Variants in SPOCK1 observed in about 807,000 individuals in gnomAD.
The protein encoded by SPOCK1 is testican-1.
SPOCK1 carries 23 observed loss-of-function variants against 55.3 expected under a neutral mutation model. That is an observed-to-expected ratio of 0.42 (90% CI 0.30 to 0.59). The LOEUF (loss-of-function observed/expected upper bound fraction) is 0.59. Ranked by LOEUF, SPOCK1 falls within the 20% of genes least tolerant of loss-of-function variation. The pLI, the probability that SPOCK1 is intolerant of heterozygous loss-of-function variation, is 0.22. For synonymous variants in SPOCK1, 226 were observed against 221.0 expected (o/e 1.02, Z -0.20); for missense variants, 499 against 552.5 (o/e 0.90, Z 0.97).
intron 2 of SPOCK1, among the ~76,000 whole-genome samples, chr5:137,433,708 G>A (rs1207531060): frequency 2.0e-5 from 3 of 152,164 alleles, no homozygotes; most frequent in Non-Finnish European, 2.9e-5. Context: ...CATGCTCCCA[G>A]ATGGAATCCA....
At chr5:137,423,575 T>C (rs1048367168) in intron 2 of SPOCK1, among the ~76,000 whole-genome samples, 2 of 152,208 alleles carry the variant, frequency 1.3e-5, no homozygotes, top group Non-Finnish European at 2.9e-5. Context: ...CAATGGACCC[T>C]CTGAGCCAGG....
At chr5:137,026,634 C>T (rs1751681053) in intron 6 of SPOCK1, among the ~76,000 whole-genome samples, 1 of 152,190 alleles carries the variant, frequency 6.6e-6, no homozygotes, top group Non-Finnish European at 1.5e-5. Flanking sequence ...CACACACACC[C>T]TCTATTGGTT....
chr5:136,993,420 C>T (rs1479267157), intron 6 of SPOCK1, among the ~76,000 whole-genome samples: 1 of 152,100 alleles, frequency 6.6e-6, no homozygotes, highest in Admixed American at 6.5e-5. Context: ...TCCCTCTTCC[C>T]TCAGGGCATA....
intron 5 of SPOCK1, among the ~76,000 whole-genome samples, chr5:137,077,463 A>C (rs907153805): frequency 6.6e-6 from 1 of 152,204 alleles, no homozygotes; most frequent in Admixed American, 6.5e-5. Context: ...AGCCAAATAC[A>C]ACCCTTGCTT....
At chr5:137,369,486 G>T (rs949805047) in intron 2 of SPOCK1, among the ~76,000 whole-genome samples, 1 of 152,174 alleles carries the variant, frequency 6.6e-6, no homozygotes, top group African/African-American at 2.4e-5. Context: ...CCACACAGGG[G>T]TCGAGAAGTG....
intron 2 of SPOCK1, among the ~76,000 whole-genome samples, chr5:137,411,658 C>A (rs952292526): frequency 4.6e-5 from 7 of 152,212 alleles, no homozygotes; most frequent in Non-Finnish European, 1.0e-4. Context: ...TGTGCCACCT[C>A]CCCTCATGGG....
At chr5:137,382,080 C>T (rs539682844) in intron 2 of SPOCK1, among the ~76,000 whole-genome samples, 8 of 152,202 alleles carry the variant, frequency 5.3e-5, no homozygotes, top group Non-Finnish European at 1.2e-4. Flanking sequence ...ATTTCCTCTT[C>T]CAGATACTCT....
At chr5:137,480,766 G>T (rs1753934166) in intron 2 of SPOCK1, among the ~76,000 whole-genome samples, 1 of 152,140 alleles carries the variant, frequency 6.6e-6, no homozygotes. Flanking sequence ...CACCTAAGAA[G>T]CCAGGGGAAA....
chr5:137,037,456 C>T (rs577053385), intron 6 of SPOCK1, among the ~76,000 whole-genome samples: 9 of 151,756 alleles, frequency 5.9e-5, no homozygotes, highest in African/African-American at 1.9e-4. Flanking sequence ...CCCAAATTTC[C>T]AGAACACTTG....
chr5:137,041,673 T>A (rs1003573754), intron 6 of SPOCK1, among the ~76,000 whole-genome samples: 2 of 152,200 alleles, frequency 1.3e-5, no homozygotes, highest in Non-Finnish European at 2.9e-5. Context: ...CACTTTGCCA[T>A]ATGTGATAGA....
At chr5:137,012,899 C>T (rs1020147117) in intron 6 of SPOCK1, among the ~76,000 whole-genome samples, 6 of 151,910 alleles carry the variant, frequency 3.9e-5, no homozygotes, top group African/African-American at 7.3e-5. Context: ...TGGAAAACTG[C>T]GAAGGCATTA....
chr5:137,290,243 C>T (rs1757348071), intron 2 of SPOCK1, among the ~76,000 whole-genome samples: 1 of 152,150 alleles, frequency 6.6e-6, no homozygotes, highest in African/African-American at 2.4e-5. Context: ...GTGTTATGTT[C>T]ACACAACTGA....
intron 2 of SPOCK1, among the ~76,000 whole-genome samples, chr5:137,379,571 C>T (rs78120442): frequency 0.099 from 12,397 of 125,348 alleles, 1,182 homozygotes; most frequent in African/African-American, 0.27. Context: ...CCTGCAAATG[C>T]TCCTGAGCAA....
intron 2 of SPOCK1, chr5:137,273,276 T>C (rs1387286734): frequency 1.5e-6 from 1 of 678,762 alleles, no homozygotes; most frequent in Non-Finnish European, 1.8e-6. Flanking sequence ...CTAAAACAAA[T>C]ATTTACTACT....
intron 2 of SPOCK1, among the ~76,000 whole-genome samples, chr5:137,386,040 A>T (rs1751593434): frequency 1.3e-5 from 2 of 152,254 alleles, no homozygotes; most frequent in Non-Finnish European, 1.5e-5. Context: ...AGGTGGCAGG[A>T]TACAAGGTTA....
chr5:137,477,379 A>G (rs528362922), intron 2 of SPOCK1, among the ~76,000 whole-genome samples: 1 of 152,188 alleles, frequency 6.6e-6, no homozygotes, highest in East Asian at 1.9e-4. Flanking sequence ...GTTTTTTTTA[A>G]GTAGTGAATT....
chr5:137,271,586 T>C (rs1203502778), intron 2 of SPOCK1, among the ~76,000 whole-genome samples: 1 of 19,832 alleles, frequency 5.0e-5, no homozygotes, highest in Non-Finnish European at 1.0e-4. Flanking sequence ...CAACAGCCCA[T>C]TTTGAATAAG....
intron 2 of SPOCK1, among the ~76,000 whole-genome samples, chr5:137,377,650 A>G (rs1405379924): frequency 6.6e-6 from 1 of 152,234 alleles, no homozygotes; most frequent in Non-Finnish European, 1.5e-5. Context: ...AGAATGCAAG[A>G]CATAAGCAAT....
At chr5:137,146,507 C>T (rs2127055323) in intron 3 of SPOCK1, among the ~76,000 whole-genome samples, 1 of 152,318 alleles carries the variant, frequency 6.6e-6, no homozygotes, top group South Asian at 2.1e-4. Context: ...GAAGAGCAGA[C>T]ACTCCCAGTG....
Sources: gnomAD v4.1 joint callset for allele counts (sites outside exome capture counted in the v4.1 genomes callset) on GRCh38, gnomAD v4.1.1 for gene constraint, MANE v1.5 for transcripts, NCBI Gene and HGNC (gene_info 2026-07-23, HGNC 2026-07-21) for gene names.